DENND1A: variants seen among roughly 807,000 people sequenced by gnomAD.
DENND1A encodes the protein DENN domain containing 1A.
A neutral mutation model predicts 113.7 loss-of-function variants in DENND1A; 51 were observed. The ratio of observed to expected loss-of-function variants is 0.45; its 90% CI spans 0.36 to 0.57. DENND1A has a LOEUF of 0.57. DENND1A is among the 20% of genes least tolerant of loss of function. DENND1A has a pLI of 0.00. For synonymous variants in DENND1A, 565 were observed against 570.8 expected (o/e 0.99, Z 0.14); for missense variants, 1,258 against 1,395.9 (o/e 0.90, Z 1.57).
intron 13 of DENND1A, among the ~76,000 whole-genome samples, chr9:123,483,223 C>T (rs897071031): frequency 2.2e-4 from 33 of 152,146 alleles, no homozygotes; most frequent in Admixed American, 2.1e-3. Flanking sequence ...AGGTAGTACT[C>T]GCCAGGGTCT....
At position 123,683,376 on chromosome 9, in the gene DENND1A, T is replaced by C. The variant is rs573432741; in HGVS notation, c.303-6587A>G. Among the ~76,000 whole-genome samples the C allele has an allele frequency of 5.9e-5, 9 of 152,234 alleles. No homozygotes were observed. In the South Asian group the frequency reaches 1.9e-3, roughly 32 times the overall value. On this transcript the variant is annotated intron_variant, in intron 5 of 23. Coordinates refer to ENST00000394215, the MANE Select transcript of DENND1A (RefSeq NM_001352964.2). ...GGGAAACTGAAGTCCTCAAATACTT[T>C]TGGAAAAAAATGACTCCTTTTATGA... is the stretch of plus-strand genomic sequence containing the variant.
At chr9:123,668,082 T>C (rs1427311708) in intron 7 of DENND1A, among the ~76,000 whole-genome samples, 1 of 152,104 alleles carries the variant, frequency 6.6e-6, no homozygotes, top group East Asian at 1.9e-4. Flanking sequence ...TTTGCTGCTA[T>C]TAAAGACTCA....
chr9:123,418,613 G>A (rs916694189), intron 19 of DENND1A, among the ~76,000 whole-genome samples: 1 of 152,194 alleles, frequency 6.6e-6, no homozygotes, highest in Admixed American at 6.5e-5. Context: ...GTGTAGGGGA[G>A]GAGAGGTGGT....
intron 9 of DENND1A, among the ~76,000 whole-genome samples, chr9:123,648,566 T>C (rs1398752994): frequency 6.6e-6 from 1 of 152,234 alleles, no homozygotes; most frequent in Non-Finnish European, 1.5e-5. Flanking sequence ...ACTAATTTTC[T>C]GTCAGTTTTT....
At chr9:123,796,591 A>C (rs1369795158) in intron 2 of DENND1A, among the ~76,000 whole-genome samples, 1 of 152,112 alleles carries the variant, frequency 6.6e-6, no homozygotes, top group Non-Finnish European at 1.5e-5. Flanking sequence ...AGGTGCTATA[A>C]ATTATTTTAC....
intron 8 of DENND1A, among the ~76,000 whole-genome samples, chr9:123,661,545 G>C (rs906530796): frequency 5.3e-5 from 8 of 152,152 alleles, no homozygotes; most frequent in African/African-American, 1.9e-4. Context: ...TATTTGAGAG[G>C]CCACTGCCCC....
intron 11 of DENND1A, among the ~76,000 whole-genome samples, chr9:123,603,181 A>G (rs1294023316): frequency 1.3e-5 from 2 of 152,266 alleles, no homozygotes; most frequent in African/African-American, 2.4e-5. Context: ...GGAACAAAGC[A>G]TGAAAGACTT....
In DENND1A at chr9:123,398,997, T is replaced by C. The variant is rs540709283; in HGVS notation, c.1631+4405A>G. Among the ~76,000 whole-genome samples, 3 of 151,626 alleles carry C rather than the reference T, an allele frequency of 2.0e-5. No individual in the cohort carries two copies. In the East Asian group the frequency reaches 5.9e-4, roughly 30 times the overall value. ...TTTTAGTAGAGACGGGGTTTCGCCA[T>C]GTTAGCCAGGCTGGTCTTGAACTCC... is the stretch of plus-strand genomic sequence containing the variant. On this transcript the variant is annotated intron_variant, in intron 21 of 23. Transcript: ENST00000394215.
At chr9:123,401,858 A>G (rs757303108) in intron 21 of DENND1A, 12 of 1,614,148 alleles carry the variant, frequency 7.4e-6, no homozygotes, top group Non-Finnish European at 1.0e-5. Context: ...TGGCCGCAAA[A>G]TGGGTAATGC....
At chr9:123,842,052 C>T (rs1461693308) in intron 2 of DENND1A, among the ~76,000 whole-genome samples, 1 of 152,156 alleles carries the variant, frequency 6.6e-6, no homozygotes, top group African/African-American at 2.4e-5. Flanking sequence ...ATTCAACATG[C>T]AATTCCCAAG....
chr9:123,879,743 C>A (rs962308430), intron 1 of DENND1A, among the ~76,000 whole-genome samples: 6 of 152,122 alleles, frequency 3.9e-5, no homozygotes, highest in Admixed American at 1.3e-4. Flanking sequence ...TCAGTATATT[C>A]CAGAATAAAA....
chr9:123,468,723 G>A (rs2049154136), intron 13 of DENND1A, among the ~76,000 whole-genome samples: 1 of 152,200 alleles, frequency 6.6e-6, no homozygotes, highest in Non-Finnish European at 1.5e-5. Context: ...CCTAAAGAAT[G>A]CCAAGACCTT....
rs780199743 is a variant in DENND1A at position 123,440,761 on chromosome 9, C to G, written c.1357-270G>C. Among the ~76,000 whole-genome samples the G allele has an allele frequency of 1.2e-3, 181 of 152,348 alleles. 4 individuals are homozygous for G. Among genetic ancestry groups the G allele is most frequent in the Non-Finnish European group, 2.1e-4 (14 of 68,024 alleles). On this transcript the variant is annotated intron_variant, in intron 18 of 23. Transcript: ENST00000394215. ...TATTATTGTTCATCCTACTCTCTTA[C>G]ACAGCCATTTTCATTTTTATGTATT...
chr9:123,858,661 G>A (rs780837460), intron 2 of DENND1A, among the ~76,000 whole-genome samples: 3 of 152,086 alleles, frequency 2.0e-5, no homozygotes, highest in Non-Finnish European at 4.4e-5. Flanking sequence ...AAACAGCTAC[G>A]GACAGAGAGC....
rs2068792886 is a variant in DENND1A at position 123,739,109 on chromosome 9, T to C, written c.302+18594A>G. ...TGAAGGACATAATCATTGTTCTCCA[T>C]ACTCTCAAGAAATCTGTTCAACCAC... On this transcript the variant is annotated intron_variant, in intron 5 of 23. Transcript: ENST00000394215. 3.3e-5 allele frequency among the ~76,000 whole-genome samples: 5 copies of C among 152,310 alleles called. No homozygotes were observed. In the South Asian group the frequency reaches 1.0e-3, roughly 32 times the overall value.
Position 123,852,316 on chromosome 9 carries a change from T to A in DENND1A, c.88+26635A>T, listed in dbSNP as rs184608738. On this transcript the variant is annotated intron_variant, in intron 2 of 23. Transcript: ENST00000394215. ...GAGCTGCTGATGTAAGGATGGCACTTTTGGGGACCTTGGGGAGGCTGAGGA... is the reference window on the plus strand; with the variant it reads ...GAGCTGCTGATGTAAGGATGGCACTATTGGGGACCTTGGGGAGGCTGAGGA... 6.6e-5 allele frequency among the ~76,000 whole-genome samples: 10 copies of A among 152,252 alleles called. 1 individual carries two copies. In the East Asian group the frequency reaches 1.9e-3, roughly 29 times the overall value.
chr9:123,712,944 C>T (rs2066728977), intron 5 of DENND1A, among the ~76,000 whole-genome samples: 1 of 152,156 alleles, frequency 6.6e-6, no homozygotes, highest in African/African-American at 2.4e-5. Flanking sequence ...GGCGAATGTC[C>T]CCCAAAGTAC....
chr9:123,480,962 T>C (rs1315502703), intron 13 of DENND1A, among the ~76,000 whole-genome samples: 1 of 152,240 alleles, frequency 6.6e-6, no homozygotes, highest in Non-Finnish European at 1.5e-5. Flanking sequence ...GCTGCAATTA[T>C]AGACATGCGC....
intron 13 of DENND1A, among the ~76,000 whole-genome samples, chr9:123,541,971 A>G (rs1346186966): frequency 6.6e-6 from 1 of 152,254 alleles, no homozygotes; most frequent in Non-Finnish European, 1.5e-5. Context: ...GTGCACACAC[A>G]GTGCCTCTCC....
Sources: gnomAD v4.1 joint callset for allele counts (sites outside exome capture counted in the v4.1 genomes callset) on GRCh38, gnomAD v4.1.1 for gene constraint, MANE v1.5 for transcripts, NCBI Gene and HGNC (gene_info 2026-07-23, HGNC 2026-07-21) for gene names.